The following TBX15 variants were observed in gnomAD, a reference collection of about 807,000 sequenced individuals.
TBX15 encodes the protein T-box transcription factor TBX15.
In TBX15, 18 loss-of-function variants were observed where a neutral mutation model predicts 53.9. The ratio of observed to expected loss-of-function variants is 0.33; its 90% CI spans 0.23 to 0.49. TBX15 has a LOEUF of 0.49. Ranked by LOEUF, TBX15 falls within the 20% of genes least tolerant of loss-of-function variation. The pLI, the probability that TBX15 is intolerant of heterozygous loss-of-function variation, is 0.98. For missense variants in TBX15, 692 were observed against 749.5 expected (o/e 0.92, Z 0.90); for synonymous variants, 295 against 278.0 (o/e 1.06, Z -0.61).
chr1:118,940,741 T>C (rs972483917), intron 1 of TBX15, among the ~76,000 whole-genome samples: 5 of 144,658 alleles, frequency 3.5e-5, no homozygotes, highest in African/African-American at 5.2e-5. Context: ...AAAAAATAAA[T>C]AAAGGACAAA....
intron 1 of TBX15, among the ~76,000 whole-genome samples, chr1:118,983,879 C>T (rs1657729732): frequency 6.6e-6 from 1 of 152,254 alleles, no homozygotes; most frequent in African/African-American, 2.4e-5. Context: ...ACATTCTCCC[C>T]CGCTGGCTTG....
chr1:118,930,238 A>T (rs1277478819), intron 2 of TBX15, among the ~76,000 whole-genome samples: 2 of 152,206 alleles, frequency 1.3e-5, no homozygotes, highest in African/African-American at 4.8e-5. Context: ...TTAAATGGCT[A>T]TGTTCATGAA....
At chr1:118,898,878 G>C in intron 7 of TBX15, 150 bp downstream of exon 7, 1 of 787,148 alleles carries the variant, frequency 1.3e-6, no homozygotes, top group Non-Finnish European at 2.1e-6. Context: ...GTGATGCTTT[G>C]GTTATTTACA....
intron 1 of TBX15, among the ~76,000 whole-genome samples, chr1:118,952,064 C>T (rs1460276680): frequency 2.0e-5 from 3 of 152,112 alleles, no homozygotes; most frequent in African/African-American, 7.2e-5. Context: ...AAAACCAACC[C>T]CTCCTCTTCC....
At chr1:118,898,517 T>C (rs1654507369) in intron 7 of TBX15, among the ~76,000 whole-genome samples, 1 of 152,068 alleles carries the variant, frequency 6.6e-6, no homozygotes, top group Non-Finnish European at 1.5e-5. Flanking sequence ...GAGAGGGGTG[T>C]TGTTTTATAT....
intron 1 of TBX15, among the ~76,000 whole-genome samples, chr1:118,968,504 G>A (rs1657127313): frequency 6.6e-6 from 1 of 152,186 alleles, no homozygotes; most frequent in South Asian, 2.1e-4. Context: ...ACTACGCCCA[G>A]CCTAACATCG....
intron 1 of TBX15, among the ~76,000 whole-genome samples, chr1:118,951,456 A>G (rs542502116): frequency 6.6e-6 from 1 of 152,310 alleles, no homozygotes; most frequent in South Asian, 2.1e-4. Context: ...TTGAGTAACA[A>G]TAATAGTCAT....
At chr1:118,960,997 G>T (rs906680730) in intron 1 of TBX15, among the ~76,000 whole-genome samples, 2 of 152,198 alleles carry the variant, frequency 1.3e-5, no homozygotes, top group African/African-American at 2.4e-5. Flanking sequence ...AGCAGGAAAG[G>T]CTGGGGAGCA....
chr1:118,928,128 T>G (rs1655659741), intron 2 of TBX15, among the ~76,000 whole-genome samples: 1 of 152,164 alleles, frequency 6.6e-6, no homozygotes, highest in South Asian at 2.1e-4. Context: ...ACACACTCAC[T>G]ACTCATCCAG....
chr1:118,904,484 T>C (rs1159329230), intron 6 of TBX15, among the ~76,000 whole-genome samples: 2 of 152,162 alleles, frequency 1.3e-5, no homozygotes, highest in African/African-American at 2.4e-5. Context: ...AAACTTGGTG[T>C]TAAATAGTAC....
chr1:118,983,633 G>A (rs1192111653), intron 1 of TBX15, among the ~76,000 whole-genome samples: 1 of 152,206 alleles, frequency 6.6e-6, no homozygotes. Context: ...CCTGACAAGC[G>A]AGTACCTTGC....
intron 1 of TBX15, among the ~76,000 whole-genome samples, chr1:118,934,919 C>T (rs2645298): frequency 0.026 from 3,891 of 152,266 alleles, 183 homozygotes; most frequent in African/African-American, 0.089. Flanking sequence ...GATCCAGTGA[C>T]TTTTATATAA....
chr1:118,888,623 C>A (rs1557870157), intron 7 of TBX15, among the ~76,000 whole-genome samples: 1 of 152,162 alleles, frequency 6.6e-6, no homozygotes, highest in Non-Finnish European at 1.5e-5. Context: ...AAACCTGACT[C>A]CAGCTGTAAA....
At chr1:118,921,354 T>A (rs1655419367) in intron 5 of TBX15, among the ~76,000 whole-genome samples, 1 of 152,218 alleles carries the variant, frequency 6.6e-6, no homozygotes. Flanking sequence ...TTTTCAGACA[T>A]GAACATTCTA....
chr1:118,934,914 A>C (rs1255713647), intron 1 of TBX15, among the ~76,000 whole-genome samples: 1 of 152,222 alleles, frequency 6.6e-6, no homozygotes, highest in East Asian at 1.9e-4. Context: ...AACAGGATCC[A>C]GTGACTTTTA....
intron 1 of TBX15, among the ~76,000 whole-genome samples, chr1:118,959,956 G>A (rs1259186010): frequency 1.3e-5 from 2 of 151,612 alleles, no homozygotes; most frequent in Admixed American, 1.3e-4. Flanking sequence ...CATCTTCTCT[G>A]AATCTCTCCT....
chr1:118,960,857 C>T (rs1656849459), intron 1 of TBX15, among the ~76,000 whole-genome samples: 1 of 152,166 alleles, frequency 6.6e-6, no homozygotes, highest in Non-Finnish European at 1.5e-5. Context: ...ACAGCAGTGG[C>T]TCAAAGTGCA....
At chr1:118,926,386 C>T in intron 3 of TBX15, 124 bp downstream of exon 3, 1 of 882,284 alleles carries the variant, frequency 1.1e-6, no homozygotes, top group Non-Finnish European at 1.8e-6. Flanking sequence ...AGGCCATTGA[C>T]ATAGTCTCCA....
chr1:118,965,914 A>G (rs1477464785), intron 1 of TBX15, among the ~76,000 whole-genome samples: 1 of 152,236 alleles, frequency 6.6e-6, no homozygotes, highest in Non-Finnish European at 1.5e-5. Flanking sequence ...CTCATATAAT[A>G]TATCATACAT....
Sources: allele counts gnomAD v4.1 joint callset (sites outside exome capture counted in the v4.1 genomes callset), GRCh38; gene constraint gnomAD v4.1.1; transcripts MANE v1.5; gene names NCBI Gene and HGNC (gene_info 2026-07-23, HGNC 2026-07-21).